The following OSBPL10 variants were observed in gnomAD, a reference collection of about 807,000 sequenced individuals.
OSBPL10 encodes oxysterol binding protein like 10.
OSBPL10 carries 49 observed loss-of-function variants against 81.7 expected under a neutral mutation model. That is an observed-to-expected ratio of 0.60 (90% CI 0.48 to 0.76). OSBPL10 has a LOEUF of 0.76. Among genes scored for constraint, OSBPL10 ranks in the 30% least tolerant of loss-of-function variants. The probability of loss-of-function intolerance (pLI) is 0.00; values close to 1 mark genes in which losing one functional copy is unlikely to be tolerated. For synonymous variants in OSBPL10, 419 were observed against 383.6 expected, an observed-to-expected ratio of 1.09 and a Z score of -1.08; for missense variants, 923 against 987.8, an observed-to-expected ratio of 0.93 and a Z score of 0.88.
chr3:31,874,741 C>T (rs375747019), intron 3 of OSBPL10, among the ~76,000 whole-genome samples: 1 of 152,102 alleles, frequency 6.6e-6, no homozygotes, highest in Non-Finnish European at 1.5e-5. Flanking sequence ...CAAACTCTTA[C>T]AGAACTGGTG....
intron 4 of OSBPL10, among the ~76,000 whole-genome samples, chr3:31,773,768 ACACT>A (rs1488490381): frequency 4.6e-5 from 7 of 152,356 alleles, no homozygotes; most frequent in Admixed American, 1.3e-4. Flanking sequence ...CACAGTAGTG[ACACT>A]CAGTCAGAGA....
intron 4 of OSBPL10, among the ~76,000 whole-genome samples, chr3:31,812,798 GAAAGAA>G (rs1699734805): frequency 2.1e-5 from 1 of 48,342 alleles, no homozygotes; most frequent in Non-Finnish European, 3.8e-5. Flanking sequence ...AAGAAAGAAA[GAAAGAA>G]AGAAAGAAAG....
intron 1 of OSBPL10, among the ~76,000 whole-genome samples, chr3:31,910,070 C>T (rs2125690946): frequency 6.6e-6 from 1 of 151,042 alleles, no homozygotes; most frequent in South Asian, 2.1e-4. Context: ...CAATCTCCAC[C>T]TCCTGGGTTC....
intron 4 of OSBPL10, among the ~76,000 whole-genome samples, chr3:31,809,647 T>C (rs1041481527): frequency 6.6e-5 from 10 of 152,206 alleles, no homozygotes; most frequent in Non-Finnish European, 1.5e-4. Context: ...GTGCTGGCCT[T>C]ACCAGACACT....
intron 2 of OSBPL10, among the ~76,000 whole-genome samples, chr3:32,017,454 C>G (rs1014100467): frequency 2.6e-5 from 4 of 152,016 alleles, no homozygotes; most frequent in Non-Finnish European, 4.4e-5. Flanking sequence ...GATAAGGAAG[C>G]TGATGCTTAA....
chr3:31,663,508 A>G, intron 11 of OSBPL10: 2 of 997,980 alleles, frequency 2.0e-6, no homozygotes, highest in South Asian at 8.8e-5. Context: ...TGCCCTGCCC[A>G]CTTGCCCAGA....
chr3:32,063,207 G>A lies in OSBPL10; in HGVS notation n.185+14189C>T, dbSNP rs1009415709. 3.2e-5 allele frequency among the ~76,000 whole-genome samples: 3 copies of A among 93,146 alleles called. 1 individual carries two copies. Among genetic ancestry groups the A allele is most frequent in the African/African-American group, 8.3e-5 (3 of 36,168 alleles). 61.1% of individuals were successfully genotyped at this position (93,146 alleles called of 152,430 possible). A position where few individuals can be genotyped will look rare whatever the true frequency, so the allele number is the denominator to read the frequency against. On this transcript the variant is annotated intron_variant and non_coding_transcript_variant, in intron 1 of 3. Coordinates refer to the OSBPL10 transcript ENST00000479173. ...ATAACACAATGTTACATTCCCCCTGGAGGAGGAATAATACTTATCCAGCTC... is the reference window on the plus strand; with the variant it reads ...ATAACACAATGTTACATTCCCCCTGAAGGAGGAATAATACTTATCCAGCTC...
At chr3:31,849,433 C>T (rs1277864916) in intron 3 of OSBPL10, among the ~76,000 whole-genome samples, 1 of 152,054 alleles carries the variant, frequency 6.6e-6, no homozygotes, top group African/African-American at 2.4e-5. Flanking sequence ...AAAAACAGAG[C>T]AATTATCTCT....
chr3:32,054,215 C>T (rs112502818), intron 1 of OSBPL10, among the ~76,000 whole-genome samples: 3,401 of 152,242 alleles, frequency 0.022, 120 homozygotes, highest in African/African-American at 0.074. Context: ...ATTTAATAAA[C>T]TTTCCAAAAT....
chr3:31,944,489 G>A (rs1697637435), intron 1 of OSBPL10, among the ~76,000 whole-genome samples: 2 of 152,196 alleles, frequency 1.3e-5, no homozygotes, highest in South Asian at 2.1e-4. Context: ...AAACTAACAG[G>A]CCTGCTAAAG....
chr3:31,836,012 TTTTG>T (rs1700351939), intron 3 of OSBPL10, among the ~76,000 whole-genome samples: 2 of 152,204 alleles, frequency 1.3e-5, no homozygotes. Flanking sequence ...TTGCATTGCT[TTTTG>T]TTTTTTAGTT....
chr3:31,780,868 C>T (rs1164320897), intron 4 of OSBPL10, among the ~76,000 whole-genome samples: 1 of 149,352 alleles, frequency 6.7e-6, no homozygotes, highest in African/African-American at 2.5e-5. Context: ...GGTGGATTCA[C>T]AACTGAATTC....
intron 4 of OSBPL10, among the ~76,000 whole-genome samples, chr3:31,801,356 C>T (rs114344560): frequency 6.7e-4 from 102 of 152,274 alleles, no homozygotes; most frequent in African/African-American, 2.3e-3. Context: ...AATGACTAGA[C>T]GGGAAAAGTC....
chr3:31,999,880 A>G (rs1699128253), intron 2 of OSBPL10, among the ~76,000 whole-genome samples: 2 of 152,016 alleles, frequency 1.3e-5, no homozygotes, highest in South Asian at 2.1e-4. Flanking sequence ...GGGCCTGAAA[A>G]CCGAACCTTA....
chr3:31,933,697 AG>A (rs1697310715), intron 1 of OSBPL10, among the ~76,000 whole-genome samples: 1 of 152,136 alleles, frequency 6.6e-6, no homozygotes, highest in African/African-American at 2.4e-5. Flanking sequence ...GGATTGAGCC[AG>A]GGCACCCAGC....
chr3:31,808,164 A>G (rs1699568923), intron 4 of OSBPL10, among the ~76,000 whole-genome samples: 2 of 152,284 alleles, frequency 1.3e-5, no homozygotes, highest in South Asian at 4.1e-4. Context: ...CTCACCCAGC[A>G]TATCATCAAG....
intron 1 of OSBPL10, among the ~76,000 whole-genome samples, chr3:31,970,072 C>T (rs1698513440): frequency 6.6e-6 from 1 of 152,128 alleles, no homozygotes; most frequent in African/African-American, 2.4e-5. Context: ...AAAGAAAACA[C>T]ACTTTGAAGT....
chr3:31,765,834 T>C (rs1217334938), intron 4 of OSBPL10, among the ~76,000 whole-genome samples: 1 of 152,164 alleles, frequency 6.6e-6, no homozygotes, highest in South Asian at 2.1e-4. Context: ...CAGGGTTTAG[T>C]TGATCATGGT....
rs536725253 is a variant in OSBPL10 at position 31,711,279 on chromosome 3, G to C, written c.1096-8771C>G. Among the ~76,000 whole-genome samples, 9 of 152,318 alleles carry C rather than the reference G, an allele frequency of 5.9e-5. No homozygotes were observed. The East Asian group carries it at 9.6e-4, about 16-fold the overall frequency. On this transcript the variant is annotated intron_variant, in intron 6 of 11. Transcript: ENST00000396556. ...TTTGGCAAAGGAAAATTGATTATTT[G>C]GGGCTGGCTACTCAGGGCCATGGGT...
Sources: gnomAD v4.1 joint callset for allele counts (sites outside exome capture counted in the v4.1 genomes callset) on GRCh38, gnomAD v4.1.1 for gene constraint, MANE v1.5 for transcripts, NCBI Gene and HGNC (gene_info 2026-07-23, HGNC 2026-07-21) for gene names.